The following RTRAF variants were observed in gnomAD, a reference collection of about 807,000 sequenced individuals.
RTRAF encodes the protein tRNA-splicing ligase complex subunit RTRAF.
In RTRAF, 14 loss-of-function variants were observed where a neutral mutation model predicts 34.4. The observed-to-expected ratio is 0.41, with a 90% CI of 0.27 to 0.64. RTRAF has a LOEUF of 0.64. Among genes scored for constraint, RTRAF ranks in the 30% least tolerant of loss-of-function variants. The pLI, the probability that RTRAF is intolerant of heterozygous loss-of-function variation, is 0.34. For missense variants in RTRAF, 291 were observed against 288.4 expected (o/e 1.01, Z -0.06); for synonymous variants, 96 against 95.3 (o/e 1.01, Z -0.04).
chr14:52,005,752 G>C lies in RTRAF; in HGVS notation c.*1236G>C, dbSNP rs144037790. 6.2e-7 allele frequency: 1 copy of C among 1,612,258 alleles called. No homozygotes were observed. The highest frequency in any genetic ancestry group is 1.7e-4 in the Middle Eastern group (1 of 6,060). On this transcript the variant is annotated 3_prime_UTR_variant, in exon 8 of 8. Transcript: ENST00000261700. ...TACTTTTTACCTGTTGGGCAGTAGG[G>C]GTAGACTGCAGTTATCCCGTAGAGG...
rs1449439257 is a variant in RTRAF, at chr14:52,005,173, T to TCAA, written c.*658_*659insAAC. 1 of 245,092 alleles carries TCAA rather than the reference T, an allele frequency of 4.1e-6. No individual in the cohort carries two copies. The highest frequency in any genetic ancestry group is 7.8e-6 in the Non-Finnish European group (1 of 128,678). 15.2% of individuals were successfully genotyped at this position (245,092 alleles called of 1,614,324 possible). The stretch of plus-strand genomic sequence containing the variant: ...CAGGTTTAGAGTCTTAAACTCTAAT[T>TCAA]CTTAGTTGAATGAATTTGATCTTTT... On this transcript the variant is annotated 3_prime_UTR_variant, in exon 8 of 8. Coordinates refer to ENST00000261700, the MANE Select transcript of RTRAF (RefSeq NM_016039.3).
chr14:52,006,701 TTGCCAAAAATGATAGTGACATAGTG>T lies in RTRAF; in HGVS notation c.*2186_*2210del. The T allele has an allele frequency of 6.2e-7, 1 of 1,608,594 alleles. No individual in the cohort carries two copies. Reference sequence around the variant, plus strand: ...GGGAAAATGAGGTCCTTCAGCTGCTTTGCCAAAAATGATAGTGACATAGTGATAGTGACACAGTGATAGAATGGGG... The same window carrying T: ...GGGAAAATGAGGTCCTTCAGCTGCTTATAGTGACACAGTGATAGAATGGGG... On this transcript the variant is annotated 3_prime_UTR_variant, in exon 8 of 8. Transcript: ENST00000261700.
chr14:51,990,211 G>T (rs376714651), intron 1 of RTRAF, among the ~76,000 whole-genome samples: 1 of 152,232 alleles, frequency 6.6e-6, no homozygotes, highest in Non-Finnish European at 1.5e-5. Context: ...GATCACAGTG[G>T]GAGGGTAAGC....
rs183546154 is a variant in RTRAF, at chr14:52,009,383, A to T, written c.*4867A>T. ...GATTGCCAGAGGAAGAAAGTTGTAAAGGTGAAATCTATAGAAAGCAAATGA... is the reference window on the plus strand; with the variant it reads ...GATTGCCAGAGGAAGAAAGTTGTAATGGTGAAATCTATAGAAAGCAAATGA... On this transcript the variant is annotated 3_prime_UTR_variant, in exon 8 of 8. Coordinates refer to ENST00000261700, the MANE Select transcript of RTRAF (RefSeq NM_016039.3). The T allele has an allele frequency of 1.3e-5, 2 of 152,360 alleles. No individual in the cohort carries two copies. The highest frequency in any genetic ancestry group is 2.1e-4 in the South Asian group (1 of 4,832). The allele number at this position is 152,360 out of a possible 1,614,324, so 9.4% of individuals were successfully genotyped here.
At position 52,004,178 on chromosome 14, in the gene RTRAF, C is replaced by CTT. The variant is rs1566735108; in HGVS notation, c.532-14_532-13dup. 6.2e-7 allele frequency: 1 copy of CTT among 1,604,676 alleles called. No individual in the cohort carries two copies. ...TTAACCATAAATACTCTCATTTTGT[C>CTT]TTTCTTTTTTTAAAGGGCTTACCTG... is the stretch of plus-strand genomic sequence containing the variant. On this transcript the variant is annotated splice_polypyrimidine_tract_variant and intron_variant, in intron 6 of 7. Transcript: ENST00000261700.
In RTRAF at chr14:52,006,509, A is replaced by T. The variant is rs749882168; in HGVS notation, c.*1993A>T. The T allele has an allele frequency of 6.2e-7, 1 of 1,612,288 alleles. No individual in the cohort carries two copies. Among genetic ancestry groups the T allele is most frequent in the Admixed American group, 1.7e-5 (1 of 59,946 alleles). ...GTCCTCTGGAACAGTTGGCCTTTTC[A>T]GGCTTGTCCAGAATTTGTGGGGCTC... On this transcript the variant is annotated 3_prime_UTR_variant, in exon 8 of 8. Coordinates refer to ENST00000261700, the MANE Select transcript of RTRAF (RefSeq NM_016039.3).
chr14:52,005,712 GAGCATCCTAA>G lies in RTRAF; in HGVS notation c.*1202_*1211del. 6.4e-7 allele frequency: 1 copy of G among 1,563,636 alleles called. No individual in the cohort carries two copies. The highest frequency in any genetic ancestry group is 8.8e-7 in the Non-Finnish European group (1 of 1,134,210). Reference sequence around the variant, plus strand: ...CCTTCTCTACCCTGCTAATTTAAAGGAGCATCCTAAAGCATACTTTTTACCTGTTGGGCAG... The same window carrying G: ...CCTTCTCTACCCTGCTAATTTAAAGGAGCATACTTTTTACCTGTTGGGCAG... On this transcript the variant is annotated 3_prime_UTR_variant, in exon 8 of 8. Coordinates refer to ENST00000261700, the MANE Select transcript of RTRAF (RefSeq NM_016039.3).
chr14:51,993,864 G>C, intron 3 of RTRAF, 42 bp downstream of exon 3: 1 of 1,208,050 alleles, frequency 8.3e-7, no homozygotes, highest in Non-Finnish European at 1.2e-6. Flanking sequence ...AGAGAGGAAA[G>C]ATGGGAAAGG....
chr14:51,993,644 CTT>C, intron 2 of RTRAF, 77 bp from the exon 3 acceptor site: 1 of 847,172 alleles, frequency 1.2e-6, no homozygotes, highest in Non-Finnish European at 1.9e-6. Flanking sequence ...ACTAAGGTCT[CTT>C]TCAACTCTCC....
intron 3 of RTRAF, 36 bp from the exon 4 acceptor site, chr14:51,998,458 C>T (rs2140329543): frequency 7.9e-7 from 1 of 1,266,944 alleles, no homozygotes; most frequent in Non-Finnish European, 1.1e-6. Context: ...CCTTGAGTTG[C>T]AGTTGTACAA....
rs149176278 is a variant in RTRAF, at chr14:52,007,307, C to G, written c.*2791C>G. 1 of 155,734 alleles carries G rather than the reference C, an allele frequency of 6.4e-6. No homozygotes were observed. The highest frequency in any genetic ancestry group is 1.4e-5 in the Non-Finnish European group (1 of 70,562). 9.6% of individuals were successfully genotyped at this position (155,734 alleles called of 1,614,324 possible). On this transcript the variant is annotated 3_prime_UTR_variant, in exon 8 of 8. Transcript: ENST00000261700. ...ATTAGATTACAAATTCAAGAACAGT[C>G]TTTTTCATATTCTTTAGTATAGAAC...
chr14:52,002,720 T>A, intron 6 of RTRAF, among the ~76,000 whole-genome samples: 1 of 152,276 alleles, frequency 6.6e-6, no homozygotes, highest in South Asian at 2.1e-4. Context: ...AGCAATGATG[T>A]TGTAGTGAAT....
intron 6 of RTRAF, among the ~76,000 whole-genome samples, chr14:52,002,345 CT>C (rs1890613823): frequency 6.6e-6 from 1 of 152,116 alleles, no homozygotes; most frequent in Non-Finnish European, 1.5e-5. Flanking sequence ...CTAAGGTCAC[CT>C]AGTTGGTAAG....
chr14:52,004,381 T>A lies in RTRAF; in HGVS notation c.600T>A (p.Ala200=). 3 of 1,613,746 alleles carry A rather than the reference T, an allele frequency of 1.9e-6. No homozygotes were observed. The highest frequency in any genetic ancestry group is 2.5e-6 in the Non-Finnish European group (3 of 1,179,854). Residue 200 remains alanine, a synonymous_variant, in exon 8 of 8, where the codon GCT becomes GCA. Transcript: ENST00000261700. ...FDTGDAVLNE[A]AQILRLLHIE... is the part of the protein sequence containing the mutation. Reference sequence around the variant, plus strand: ...AAACAGATGCAGTTCTTAATGAAGCTGCTCAAATTCTGCGATTGCTGCACA... The same window carrying A: ...AAACAGATGCAGTTCTTAATGAAGCAGCTCAAATTCTGCGATTGCTGCACA...
chr14:52,005,391 CAATTCCTTTTTT>C lies in RTRAF; in HGVS notation c.*877_*888del. The C allele has an allele frequency of 7.9e-7, 1 of 1,260,916 alleles. No homozygotes were observed. Among genetic ancestry groups the C allele is most frequent in the Non-Finnish European group, 1.1e-6 (1 of 933,338 alleles). 78.1% of individuals were successfully genotyped at this position (1,260,916 alleles called of 1,614,324 possible). A position where few individuals can be genotyped will look rare whatever the true frequency, so the allele number is the denominator to read the frequency against. On this transcript the variant is annotated 3_prime_UTR_variant, in exon 8 of 8. Transcript: ENST00000261700. ...TGGATGCTCAGGAACGTCTAATGGC[CAATTCCTTTTTT>C]ACTTTCTTTGCCTTTGCAGTCACTG... is the stretch of plus-strand genomic sequence containing the variant.
intron 3 of RTRAF, among the ~76,000 whole-genome samples, chr14:51,995,147 C>T (rs1251532456): frequency 1.3e-5 from 2 of 152,058 alleles, no homozygotes; most frequent in Non-Finnish European, 2.9e-5. Flanking sequence ...CCTCTCTTAG[C>T]TTCCAATTGA....
chr14:52,007,992 A>C lies in RTRAF; in HGVS notation c.*3476A>C, dbSNP rs1452388446. Reference sequence around the variant, plus strand: ...GCTGTAAGTTAAAAATCAAGATTGTAAAAGAATAGCCATGTAGCCTGTGGT... The same window carrying C: ...GCTGTAAGTTAAAAATCAAGATTGTCAAAGAATAGCCATGTAGCCTGTGGT... On this transcript the variant is annotated 3_prime_UTR_variant, in exon 8 of 8. Transcript: ENST00000261700. 1.3e-6 allele frequency: 2 copies of C among 1,587,356 alleles called. No individual in the cohort carries two copies. The highest frequency in any genetic ancestry group is 1.7e-6 in the Non-Finnish European group (2 of 1,167,796).
At chr14:51,991,518 C>G (rs1890434223) in intron 2 of RTRAF, 77 bp downstream of exon 2, 4 of 1,479,270 alleles carry the variant, frequency 2.7e-6, no homozygotes, top group Non-Finnish European at 3.7e-6. Flanking sequence ...AAATTACTTT[C>G]TTCTTTTAAG....
At chr14:51,999,598 G>A (rs996240000) in intron 4 of RTRAF, 110 bp from the exon 5 acceptor site, 1 of 644,860 alleles carries the variant, frequency 1.6e-6, no homozygotes, top group Non-Finnish European at 2.6e-6. Context: ...TAAAAACTAA[G>A]AGATTTGTTG....
Sources: allele counts gnomAD v4.1 joint callset (sites outside exome capture counted in the v4.1 genomes callset), GRCh38; gene constraint gnomAD v4.1.1; transcripts MANE v1.5; gene names NCBI Gene and HGNC (gene_info 2026-07-23, HGNC 2026-07-21).